The following MYO1G variants were observed in gnomAD, a reference collection of about 807,000 sequenced individuals.
The protein encoded by MYO1G is unconventional myosin-Ig.
A neutral mutation model predicts 115.3 loss-of-function variants in MYO1G; 65 were observed. That is an observed-to-expected ratio of 0.56 (90% CI 0.46 to 0.69). The LOEUF (loss-of-function observed/expected upper bound fraction) is 0.69, where lower values mean the gene tolerates loss of function less well. MYO1G is among the 30% of genes least tolerant of loss of function. The pLI is 0.00. For missense variants in MYO1G, 1,204 were observed against 1,393.5 expected (o/e 0.86, Z 2.16); for synonymous variants, 510 against 552.6 (o/e 0.92, Z 1.08).
intron 9 of MYO1G, 90 bp downstream of exon 9, chr7:44,970,502 C>T (rs1047909484): frequency 3.9e-6 from 6 of 1,546,706 alleles, no homozygotes; most frequent in East Asian, 4.6e-5. Context: ...CCCAACATTC[C>T]TGCTGCCCAG....
intron 1 of MYO1G, 51 bp from the exon 2 acceptor site, chr7:44,977,122 C>T: frequency 1.3e-6 from 2 of 1,573,814 alleles, no homozygotes; most frequent in Non-Finnish European, 1.7e-6. Flanking sequence ...CAGGCACCCA[C>T]AGGCCTTTCG....
rs1174549908 is a variant in MYO1G, at chr7:44,964,951, C to A, written c.2520G>T (p.Leu840=). ...GCRRAWARDY[L]SSATDNPTAS... ...GGACTCGCCTGGCACTTACAGAGGACAGGTAGTCTCGGGCCCAGGCCCGTC... is the reference window on the plus strand; with the variant it reads ...GGACTCGCCTGGCACTTACAGAGGAAAGGTAGTCTCGGGCCCAGGCCCGTC... The change falls in exon 18 of 22, where the codon CTG becomes CTT. Residue 840 remains leucine, a synonymous_variant. Transcript: ENST00000258787. The surrounding 1 kb of genome is among the most constrained non-coding windows in gnomAD (Gnocchi z 5.1). 1 of 1,599,046 alleles carries A rather than the reference C, an allele frequency of 6.3e-7. No homozygotes were observed. Among genetic ancestry groups the A allele is most frequent in the Non-Finnish European group, 8.6e-7 (1 of 1,168,854 alleles).
rs368130276 is a variant in MYO1G at position 44,966,061 on chromosome 7, C to T, written c.2157+12G>A. The T allele has an allele frequency of 3.1e-5, 50 of 1,609,292 alleles. No individual in the cohort carries two copies. The highest frequency in any genetic ancestry group is 4.0e-5 in the African/African-American group (3 of 75,006). Reference sequence around the variant, plus strand: ...CTCCATAGTGGATGTCTTCCTGCCCCGCCCACCTCACCTTCTGCAATAGCA... The same window carrying T: ...CTCCATAGTGGATGTCTTCCTGCCCTGCCCACCTCACCTTCTGCAATAGCA... On this transcript the variant is annotated intron_variant, in intron 16 of 21. Coordinates refer to ENST00000258787, the MANE Select transcript of MYO1G (RefSeq NM_033054.3). The surrounding 1 kb of genome is among the most constrained non-coding windows in gnomAD (Gnocchi z 5.0).
Position 44,970,736 on chromosome 7 carries a change from G to A in MYO1G, c.1073C>T (p.Ala358Val). 4 of 1,613,984 alleles carry A rather than the reference G, an allele frequency of 2.5e-6. No homozygotes were observed. Among genetic ancestry groups the A allele is most frequent in the Non-Finnish European group, 3.4e-6 (4 of 1,180,020 alleles). Residue 358 changes from alanine to valine, a missense_variant and splice_region_variant, in exon 9 of 22, where the codon GCA becomes GTA. Coordinates refer to ENST00000258787, the MANE Select transcript of MYO1G (RefSeq NM_033054.3). Reference sequence around the variant, plus strand: ...CCACTCAAACAGCCGCTGGTACACTGCCTGGGGGATAGGAACACCCTGCTT... The same window carrying A: ...CCACTCAAACAGCCGCTGGTACACTACCTGGGGGATAGGAACACCCTGCTT... ...ASYARDACAK[A>V]VYQRLFEWVV...
rs201165862 is a variant in MYO1G, at chr7:44,971,736, G to A, written c.783C>T (p.Val261=). 1.9e-6 allele frequency: 3 copies of A among 1,556,290 alleles called. No individual in the cohort carries two copies. The highest frequency in any genetic ancestry group is 2.6e-6 in the Non-Finnish European group (3 of 1,149,388). ...SHQAVTEAMR[V]IGFSPEEVES... The stretch of plus-strand genomic sequence containing the variant: ...CCACCTCTTCAGGACTGAAGCCGAT[G>A]ACCCTCATGGCCTCGGTCACTGCCT... Residue 261 remains valine, a synonymous_variant, in exon 7 of 22, where the codon GTC becomes GTT. Coordinates refer to ENST00000258787, the MANE Select transcript of MYO1G (RefSeq NM_033054.3).
Position 44,966,242 on chromosome 7 carries a change from A to G in MYO1G, c.1988T>C (p.Leu663Pro). The change falls in exon 16 of 22, where the codon CTG (leucine) becomes CCG (proline). Residue 663 changes from leucine to proline, a missense_variant. Physicochemically the swap from Leu to Pro is moderately conservative, Grantham distance 98. Coordinates refer to ENST00000258787, the MANE Select transcript of MYO1G (RefSeq NM_033054.3). This position sits in a 1 kb window ranked among gnomAD's most constrained non-coding sequence, Gnocchi z 5.0. Reference protein sequence around the residue: ...MTCEYTWPNHLLGSDKAAVSA... With the variant: ...MTCEYTWPNHPLGSDKAAVSA... ...CACGGCTGCCTTGTCGGAGCCCAGCAGGTGGTTGGGCCATGTGTATTCACA... is the reference window on the plus strand; with the variant it reads ...CACGGCTGCCTTGTCGGAGCCCAGCGGGTGGTTGGGCCATGTGTATTCACA... The G allele has an allele frequency of 6.2e-7, 1 of 1,611,508 alleles. No individual in the cohort carries two copies. The highest frequency in any genetic ancestry group is 8.5e-7 in the Non-Finnish European group (1 of 1,179,448).
rs1443205882 is a variant in MYO1G at position 44,966,552 on chromosome 7, G to C, written c.1949+120C>G. 1.6e-6 allele frequency: 2 copies of C among 1,269,612 alleles called. No homozygotes were observed. The highest frequency in any genetic ancestry group is 3.7e-4 in the Middle Eastern group (2 of 5,464). The allele number at this position is 1,269,612 out of a possible 1,614,324, so 78.6% of individuals were successfully genotyped here. On this transcript the variant is annotated intron_variant, in intron 15 of 21. Transcript: ENST00000258787. This position sits in a 1 kb window ranked among gnomAD's most constrained non-coding sequence, Gnocchi z 5.0. The stretch of plus-strand genomic sequence containing the variant: ...ATTTTGGTGTCTTGAGGCCAGCAGC[G>C]TGCTGGTTCCTGCTTGTATCGATGT...
At position 44,963,668 on chromosome 7, in the gene MYO1G, C is replaced by G; in HGVS notation, c.2745+381G>C. ...AAGGGAGCAAGTAGGCCACAGAGCT[C>G]GGCAGAAGGTTCCGGAGTGGCCGGG... On this transcript the variant is annotated intron_variant, in intron 20 of 21. Transcript: ENST00000258787. The surrounding 1 kb of genome is among the most constrained non-coding windows in gnomAD (Gnocchi z 4.1). 1 of 232,892 alleles carries G rather than the reference C, an allele frequency of 4.3e-6. No individual in the cohort carries two copies. The highest frequency in any genetic ancestry group is 9.0e-5 in the South Asian group (1 of 11,160). The allele number at this position is 232,892 out of a possible 1,614,324, so 14.4% of individuals were successfully genotyped here.
In MYO1G at chr7:44,969,515, A is replaced by T; in HGVS notation, c.1504-32T>A. 6.2e-7 allele frequency: 1 copy of T among 1,610,832 alleles called. No homozygotes were observed. The highest frequency in any genetic ancestry group is 8.5e-7 in the Non-Finnish European group (1 of 1,177,424). ...GGACAGGCTGAGGTCAAGGCACAAA[A>T]GGTATGTGGAGGGTCTGTATGAAGG... is the stretch of plus-strand genomic sequence containing the variant. On this transcript the variant is annotated intron_variant, in intron 11 of 21. Coordinates refer to ENST00000258787, the MANE Select transcript of MYO1G (RefSeq NM_033054.3). This position sits in a 1 kb window ranked among gnomAD's most constrained non-coding sequence, Gnocchi z 5.0.
intron 14 of MYO1G, 66 bp downstream of exon 14, chr7:44,967,539 A>T (rs763169400): frequency 1.0e-5 from 16 of 1,599,706 alleles, no homozygotes; most frequent in Non-Finnish European, 1.4e-5. Context: ...TTGGGACCCT[A>T]CTTGGCACCG....
chr7:44,971,884 A>ACCCCTGT (rs1399549767), intron 6 of MYO1G, 95 bp from the exon 7 acceptor site: 3 of 948,808 alleles, frequency 3.2e-6, no homozygotes, highest in African/African-American at 3.3e-5. Context: ...GCACCTGCTC[A>ACCCCTGT]CCCCTGTCCC....
chr7:44,973,911 C>A (rs912423012), intron 5 of MYO1G: 1 of 150,862 alleles, frequency 6.6e-6, no homozygotes, highest in Non-Finnish European at 1.5e-5. Context: ...TGTGGAGACG[C>A]CCTCTGTGTT....
chr7:44,966,204 C>G lies in MYO1G; in HGVS notation c.2026G>C (p.Glu676Gln). ...SDKAAVSALL[E>Q]QHGLQGDVAF... ...ACGTCCCCCTGCAGCCCGTGCTGCT[C>G]CAGGAGAGCGCTCACGGCTGCCTTG... The change falls in exon 16 of 22, where the codon GAG (glutamate) becomes CAG (glutamine). Residue 676 changes from glutamate to glutamine, a missense_variant. Glu to Gln is a conservative substitution (Grantham distance 29). Coordinates refer to ENST00000258787, the MANE Select transcript of MYO1G (RefSeq NM_033054.3). This position sits in a 1 kb window ranked among gnomAD's most constrained non-coding sequence, Gnocchi z 5.0. The G allele has an allele frequency of 6.2e-7, 1 of 1,612,602 alleles. No homozygotes were observed. Among genetic ancestry groups the G allele is most frequent in the Non-Finnish European group, 8.5e-7 (1 of 1,179,866 alleles).
At chr7:44,977,941 G>A (rs1464886364) in intron 1 of MYO1G, among the ~76,000 whole-genome samples, 3 of 100,780 alleles carry the variant, frequency 3.0e-5, no homozygotes, top group Non-Finnish European at 4.7e-5. Flanking sequence ...AGTCACCCAC[G>A]TCTCCAGGGC....
Position 44,966,730 on chromosome 7 carries a change from C to T in MYO1G, c.1891G>A (p.Val631Met), listed in dbSNP as rs1272594233. ...QVAYLGLLEN[V>M]RVRRAGFASR... ...GCGAAGCCAGCCCTGCGGACCCTCACATTCTCCAGCAGCCCCAGGTATGCG... is the reference window on the plus strand; with the variant it reads ...GCGAAGCCAGCCCTGCGGACCCTCATATTCTCCAGCAGCCCCAGGTATGCG... Residue 631 changes from valine (V) to methionine (M), a missense_variant, in exon 15 of 22, where the codon GTG (valine) becomes ATG (methionine). Val to Met is a conservative substitution (Grantham distance 21). Coordinates refer to ENST00000258787, the MANE Select transcript of MYO1G (RefSeq NM_033054.3). The surrounding 1 kb of genome is among the most constrained non-coding windows in gnomAD (Gnocchi z 5.0). The T allele has an allele frequency of 3.7e-6, 6 of 1,613,422 alleles. No individual in the cohort carries two copies. The highest frequency in any genetic ancestry group is 1.7e-5 in the Admixed American group (1 of 60,020).
rs566193728 is a variant in MYO1G, at chr7:44,966,456, A to G, written c.1950-176T>C. Reference sequence around the variant, plus strand: ...CATGTCCTCACATACATGTCCTCACACAGCCCTCATACCCATGTTCCCACC... The same window carrying G: ...CATGTCCTCACATACATGTCCTCACGCAGCCCTCATACCCATGTTCCCACC... On this transcript the variant is annotated intron_variant, in intron 15 of 21. Transcript: ENST00000258787. This position sits in a 1 kb window ranked among gnomAD's most constrained non-coding sequence, Gnocchi z 5.0. The G allele has an allele frequency of 2.1e-5, 17 of 809,834 alleles. No individual in the cohort carries two copies. In the East Asian group the frequency reaches 4.0e-4, roughly 19 times the overall value. The allele number at this position is 809,834 out of a possible 1,614,324, so 50.2% of individuals were successfully genotyped here. A position where few individuals can be genotyped will look rare whatever the true frequency, so the allele number is the denominator to read the frequency against.
At chr7:44,965,182 G>A in intron 17 of MYO1G, 93 bp from the exon 18 acceptor site, 1 of 1,502,116 alleles carries the variant, frequency 6.7e-7, no homozygotes, top group Non-Finnish European at 9.0e-7. Flanking sequence ...CCCTCAGCCT[G>A]GTGCTGCCTG....
intron 3 of MYO1G, among the ~76,000 whole-genome samples, 189 bp downstream of exon 3, chr7:44,976,375 C>T (rs372767540): frequency 6.6e-6 from 1 of 152,224 alleles, no homozygotes; most frequent in Non-Finnish European, 1.5e-5. Flanking sequence ...AGGAGAGGTC[C>T]TTGGCATGGG....
At chr7:44,972,971 C>T (rs1028481745) in intron 5 of MYO1G, 3 of 151,748 alleles carry the variant, frequency 2.0e-5, no homozygotes, top group African/African-American at 7.3e-5. Flanking sequence ...CCCTGTGTCC[C>T]AAGGGGCTCC....
Sources: allele counts gnomAD v4.1 joint callset (sites outside exome capture counted in the v4.1 genomes callset), GRCh38; gene constraint gnomAD v4.1.1; non-coding constraint Gnocchi (gnomAD v3.1); transcripts MANE v1.5; gene names NCBI Gene and HGNC (gene_info 2026-07-23, HGNC 2026-07-21).